Variants in KCND2 observed in about 807,000 individuals in gnomAD.
The protein encoded by KCND2 is potassium voltage-gated channel subfamily D member 2.
In KCND2, 16 loss-of-function variants were observed where a neutral mutation model predicts 54.4. The observed-to-expected ratio is 0.29, with a 90% confidence interval of 0.20 to 0.45. KCND2 has a LOEUF of 0.45. Among genes scored for constraint, KCND2 ranks in the 20% least tolerant of loss-of-function variants. The pLI is 1.00. For missense variants in KCND2, 486 were observed against 824.2 expected, an observed-to-expected ratio of 0.59 and a Z score of 5.02; for synonymous variants, 317 against 310.7, an observed-to-expected ratio of 1.02 and a Z score of -0.21.
intron 1 of KCND2, among the ~76,000 whole-genome samples, chr7:120,723,093 G>A (rs1792689354): frequency 6.6e-6 from 1 of 152,138 alleles, no homozygotes. Context: ...AGAGATGGAA[G>A]CAATGGCCGC....
chr7:120,277,347 A>G (rs1350321083), intron 1 of KCND2, among the ~76,000 whole-genome samples: 3 of 152,058 alleles, frequency 2.0e-5, no homozygotes, highest in African/African-American at 4.8e-5. Context: ...CTGATTCTTT[A>G]TCAAAGAGGT....
At chr7:120,672,291 G>A (rs760295489) in intron 1 of KCND2, among the ~76,000 whole-genome samples, 1 of 151,654 alleles carries the variant, frequency 6.6e-6, no homozygotes, top group African/African-American at 2.4e-5. Flanking sequence ...CACTTCCTAC[G>A]ATTCATTCAC....
chr7:120,678,100 A>C (rs1324932912), intron 1 of KCND2, among the ~76,000 whole-genome samples: 1 of 151,906 alleles, frequency 6.6e-6, no homozygotes, highest in Non-Finnish European at 1.5e-5. Context: ...TGCAAATAAT[A>C]AGCCTTATCA....
chr7:120,471,717 A>G (rs1188020731), intron 1 of KCND2, among the ~76,000 whole-genome samples: 1 of 152,112 alleles, frequency 6.6e-6, no homozygotes. Flanking sequence ...TTTCTTTGAA[A>G]AATAATCCTG....
chr7:120,605,782 T>C (rs1792874588), intron 1 of KCND2, among the ~76,000 whole-genome samples: 1 of 152,212 alleles, frequency 6.6e-6, no homozygotes, highest in African/African-American at 2.4e-5. Context: ...AAGTAATCTA[T>C]CACTGTGGTT....
chr7:120,434,931 T>G (rs1410082866), intron 1 of KCND2, among the ~76,000 whole-genome samples: 1 of 152,072 alleles, frequency 6.6e-6, no homozygotes, highest in African/African-American at 2.4e-5. Context: ...CACATTGTCT[T>G]CTATCCAAGA....
At chr7:120,517,711 T>G (rs1803216670) in intron 1 of KCND2, among the ~76,000 whole-genome samples, 1 of 152,142 alleles carries the variant, frequency 6.6e-6, no homozygotes, top group African/African-American at 2.4e-5. Context: ...ACTGCCAAAT[T>G]TAACCATTTG....
chr7:120,394,825 A>T (rs1313109408), intron 1 of KCND2, among the ~76,000 whole-genome samples: 2 of 152,012 alleles, frequency 1.3e-5, no homozygotes, highest in African/African-American at 4.8e-5. Context: ...GACTATCAGA[A>T]CTTCCTGTAG....
At position 120,508,838 on chromosome 7, in the gene KCND2, A is replaced by G. The variant is rs554008685; in HGVS notation, c.1116-224065A>G. Among the ~76,000 whole-genome samples the G allele has an allele frequency of 2.7e-5, 4 of 150,882 alleles. No homozygotes were observed. In the South Asian group the frequency reaches 8.3e-4, roughly 31 times the overall value. On this transcript the variant is annotated intron_variant, in intron 1 of 5. Transcript: ENST00000331113. Reference sequence around the variant, plus strand: ...GCTGTCACTGAGGCAAAATAGATGAATCCACTTTTATCCTCCAGATACACA... The same window carrying G: ...GCTGTCACTGAGGCAAAATAGATGAGTCCACTTTTATCCTCCAGATACACA...
In KCND2 at chr7:120,737,083, A is replaced by C. The variant is rs545834240; in HGVS notation, c.1278+4018A>C. On this transcript the variant is annotated intron_variant, in intron 2 of 5. Transcript: ENST00000331113. ...ACACACACACACACACACAAACAAA[A>C]AAAAAAAAAACAAAACAAAAAACAG... Among the ~76,000 whole-genome samples the C allele has an allele frequency of 1.6e-3, 230 of 146,954 alleles. 4 individuals are homozygous for C. In the East Asian group the frequency reaches 0.033, roughly 21 times the overall value.
chr7:120,522,229 T>G (rs1368700798), intron 1 of KCND2, among the ~76,000 whole-genome samples: 2 of 152,240 alleles, frequency 1.3e-5, no homozygotes, highest in Non-Finnish European at 2.9e-5. Context: ...CAGTCCTGTA[T>G]GTTAGCTTTC....
chr7:120,419,792 G>A (rs1801584141), intron 1 of KCND2, among the ~76,000 whole-genome samples: 2 of 151,960 alleles, frequency 1.3e-5, no homozygotes, highest in African/African-American at 2.4e-5. Context: ...AAAGCTAATG[G>A]TCACAACCTA....
intron 1 of KCND2, among the ~76,000 whole-genome samples, chr7:120,681,053 A>C (rs1265686327): frequency 6.6e-6 from 1 of 152,122 alleles, no homozygotes; most frequent in Non-Finnish European, 1.5e-5. Flanking sequence ...CTGTTTTCAT[A>C]ATTTGAACAA....
chr7:120,608,140 C>G (rs1171498357), intron 1 of KCND2, among the ~76,000 whole-genome samples: 4 of 151,704 alleles, frequency 2.6e-5, no homozygotes, highest in Non-Finnish European at 5.9e-5. Flanking sequence ...TTCATACTCT[C>G]ATCAAGTGTA....
chr7:120,315,963 G>A (rs1444461670), intron 1 of KCND2, among the ~76,000 whole-genome samples: 1 of 151,992 alleles, frequency 6.6e-6, no homozygotes, highest in African/African-American at 2.4e-5. Context: ...CTGGAGGGAG[G>A]AGGCACACAT....
At chr7:120,600,708 G>A (rs1481393567) in intron 1 of KCND2, among the ~76,000 whole-genome samples, 2 of 151,938 alleles carry the variant, frequency 1.3e-5, no homozygotes, top group African/African-American at 2.4e-5. Flanking sequence ...GAGATTTGGG[G>A]AAATTGATTA....
At chr7:120,577,787 G>A (rs1419339125) in intron 1 of KCND2, among the ~76,000 whole-genome samples, 6 of 152,096 alleles carry the variant, frequency 3.9e-5, no homozygotes, top group South Asian at 2.1e-4. Context: ...GGATTTCACC[G>A]TGTTAGCCAG....
intron 1 of KCND2, among the ~76,000 whole-genome samples, chr7:120,720,151 G>A (rs944140963): frequency 6.6e-6 from 1 of 152,116 alleles, no homozygotes; most frequent in Non-Finnish European, 1.5e-5. Context: ...TACCCTAGAA[G>A]AAGGTCCATC....
intron 1 of KCND2, among the ~76,000 whole-genome samples, chr7:120,660,836 A>G (rs1331209409): frequency 6.6e-6 from 1 of 152,218 alleles, no homozygotes; most frequent in Non-Finnish European, 1.5e-5. Context: ...AAAAGAAACC[A>G]TCCAATAGGT....
Sources: gnomAD v4.1 joint callset for allele counts (sites outside exome capture counted in the v4.1 genomes callset) on GRCh38, gnomAD v4.1.1 for gene constraint, MANE v1.5 for transcripts, NCBI Gene and HGNC (gene_info 2026-07-23, HGNC 2026-07-21) for gene names.